Variants in ATF7IP2 observed in about 807,000 individuals in gnomAD.
ATF7IP2 encodes activating transcription factor 7 interacting protein 2.
A neutral mutation model predicts 64.2 loss-of-function variants in ATF7IP2; 42 were observed. The ratio of observed to expected loss-of-function variants is 0.65; its 90% CI spans 0.51 to 0.85. The LOEUF (loss-of-function observed/expected upper bound fraction) is 0.85, where lower values mean the gene tolerates loss of function less well. ATF7IP2 is among the 40% of genes least tolerant of loss of function. ATF7IP2 has a pLI of 0.00. For missense variants in ATF7IP2, 933 were observed against 784.2 expected, an observed-to-expected ratio of 1.19 and a Z score of -2.27; for synonymous variants, 308 against 272.8, an observed-to-expected ratio of 1.13 and a Z score of -1.27.
chr16:10,443,837 A>C (rs2048712432), intron 8 of ATF7IP2, among the ~76,000 whole-genome samples: 1 of 152,172 alleles, frequency 6.6e-6, no homozygotes, highest in African/African-American at 2.4e-5. Flanking sequence ...TAGTGGAGAG[A>C]AGAACTGGGT....
intron 1 of ATF7IP2, among the ~76,000 whole-genome samples, chr16:10,392,990 A>G (rs772034333): frequency 9.2e-5 from 14 of 151,958 alleles, no homozygotes; most frequent in Middle Eastern, 6.8e-3. Flanking sequence ...ATGTCTCCAA[A>G]AGAAAAGAAA....
intron 6 of ATF7IP2, among the ~76,000 whole-genome samples, chr16:10,437,246 C>T (rs548976752): frequency 1.6e-4 from 25 of 152,278 alleles, no homozygotes; most frequent in African/African-American, 5.8e-4. Context: ...GTCTTCAACT[C>T]CTGACCTCGT....
intron 9 of ATF7IP2, 42 bp from the exon 10 acceptor site, chr16:10,472,068 G>C (rs766941125): frequency 1.8e-6 from 2 of 1,082,660 alleles, no homozygotes; most frequent in Non-Finnish European, 2.8e-6. Flanking sequence ...GCCTGATAAT[G>C]CATGTTTAGT....
At position 10,430,646 on chromosome 16, in the gene ATF7IP2, G is replaced by A. The variant is rs773088201; in HGVS notation, c.26G>A (p.Arg9Gln). Residue 9 changes from arginine to glutamine, a missense_variant, in exon 5 of 14, where the codon CGG (arginine) becomes CAG (glutamine). Transcript: ENST00000562102. MASPDRSK[R>Q]KILKAKKTMP... ...ATGGCAAGTCCAGATAGAAGTAAAC[G>A]GAAGATATTAAAAGCCAAAAAGACA... 22 of 1,613,342 alleles carry A rather than the reference G, an allele frequency of 1.4e-5. No homozygotes were observed. Among genetic ancestry groups the A allele is most frequent in the African/African-American group, 2.7e-5 (2 of 74,874 alleles).
chr16:10,425,083 A>T (rs2048058057), intron 3 of ATF7IP2, among the ~76,000 whole-genome samples: 1 of 144,220 alleles, frequency 6.9e-6, no homozygotes, highest in Non-Finnish European at 1.5e-5. Context: ...TTTGAGACAG[A>T]GTTTCACTCC....
chr16:10,440,803 AG>A (rs2048591241), intron 8 of ATF7IP2, among the ~76,000 whole-genome samples: 1 of 152,178 alleles, frequency 6.6e-6, no homozygotes, highest in African/African-American at 2.4e-5. Flanking sequence ...CAAAATGTGC[AG>A]TTGCATTACA....
chr16:10,412,339 G>C (rs953240862), intron 1 of ATF7IP2, among the ~76,000 whole-genome samples: 2 of 151,926 alleles, frequency 1.3e-5, no homozygotes, highest in East Asian at 3.9e-4. Context: ...TCCTAGCCCC[G>C]CCTTTGCTAT....
At chr16:10,475,647 C>G (rs1187647991) in intron 12 of ATF7IP2, among the ~76,000 whole-genome samples, 1 of 142,292 alleles carries the variant, frequency 7.0e-6, no homozygotes, top group Non-Finnish European at 1.5e-5. Flanking sequence ...GAGCCGAGAT[C>G]GCGCCACTGC....
intron 1 of ATF7IP2, among the ~76,000 whole-genome samples, chr16:10,395,136 ATTACT>A (rs2141750239): frequency 6.6e-6 from 1 of 152,218 alleles, no homozygotes; most frequent in Admixed American, 6.5e-5. Context: ...ATGAGGGGAC[ATTACT>A]TCTGACCTTC....
At chr16:10,461,056 A>C (rs527895690) in intron 9 of ATF7IP2, among the ~76,000 whole-genome samples, 1 of 152,306 alleles carries the variant, frequency 6.6e-6, no homozygotes, top group East Asian at 1.9e-4. Flanking sequence ...ACTTCACAAA[A>C]GAGGAGTTCG....
intron 8 of ATF7IP2, among the ~76,000 whole-genome samples, chr16:10,444,769 G>C (rs759966778): frequency 6.6e-6 from 1 of 152,130 alleles, no homozygotes; most frequent in Non-Finnish European, 1.5e-5. Flanking sequence ...TTTATTCCTA[G>C]AGTTTGAGTA....
chr16:10,430,612 A>G lies in ATF7IP2; in HGVS notation c.-9A>G. On this transcript the variant is annotated splice_region_variant and 5_prime_UTR_variant, in exon 5 of 14. Transcript: ENST00000562102. The stretch of plus-strand genomic sequence containing the variant: ...TAAATATGATGTCTTAAATTCCAGG[A>G]TATGAAAGATGGCAAGTCCAGATAG... 4.4e-6 allele frequency: 7 copies of G among 1,585,216 alleles called. No homozygotes were observed. The highest frequency in any genetic ancestry group is 6.0e-6 in the Non-Finnish European group (7 of 1,158,650).
At chr16:10,415,502 C>G (rs1219087673) in intron 2 of ATF7IP2, among the ~76,000 whole-genome samples, 2 of 152,166 alleles carry the variant, frequency 1.3e-5, no homozygotes, top group Admixed American at 6.6e-5. Flanking sequence ...ATCTAAGACC[C>G]CAAACTATGA....
intron 9 of ATF7IP2, among the ~76,000 whole-genome samples, chr16:10,461,346 C>T (rs2142026170): frequency 6.6e-6 from 1 of 152,100 alleles, no homozygotes; most frequent in South Asian, 2.1e-4. Flanking sequence ...CTTGATATAT[C>T]CTAGTTAGAG....
intron 8 of ATF7IP2, among the ~76,000 whole-genome samples, chr16:10,451,377 G>A (rs971776031): frequency 6.6e-6 from 1 of 152,054 alleles, no homozygotes; most frequent in African/African-American, 2.4e-5. Flanking sequence ...GCTAGGTTGG[G>A]GAAGTTCTCC....
chr16:10,475,074 G>A (rs902514733), intron 12 of ATF7IP2, among the ~76,000 whole-genome samples: 1 of 152,082 alleles, frequency 6.6e-6, no homozygotes, highest in Non-Finnish European at 1.5e-5. Flanking sequence ...AAAATTTGTT[G>A]CCAGCAGACC....
rs759026458 is a variant in ATF7IP2 at position 10,481,884 on chromosome 16, C to G, written c.1684C>G (p.Pro562Ala). ...GCCACCTCTCCCAGAACCACCAGCA[C>G]CACTACCTGAATTAGTAGACAAAAC... is the stretch of plus-strand genomic sequence containing the variant. ...HLPPLPEPPA[P>A]LPELVDKTRD... The change falls in exon 14 of 14, where the codon CCA (proline) becomes GCA (alanine). Residue 562 changes from proline to alanine, a missense_variant. Transcript: ENST00000562102. The G allele has an allele frequency of 6.2e-7, 1 of 1,611,522 alleles. No individual in the cohort carries two copies. Among genetic ancestry groups the G allele is most frequent in the Non-Finnish European group, 8.5e-7 (1 of 1,179,196 alleles).
chr16:10,449,429 A>G (rs2048914372), intron 8 of ATF7IP2: 1 of 152,172 alleles, frequency 6.6e-6, no homozygotes, highest in African/African-American at 2.4e-5. Flanking sequence ...CTGTGAATCC[A>G]TCTGGTCCTG....
At chr16:10,433,732 C>T in intron 6 of ATF7IP2, 83 bp downstream of exon 6, 1 of 1,469,956 alleles carries the variant, frequency 6.8e-7, no homozygotes, top group Non-Finnish European at 9.4e-7. Flanking sequence ...CCCACAGTGG[C>T]ATAATACAGA....
Sources: allele counts gnomAD v4.1 joint callset (sites outside exome capture counted in the v4.1 genomes callset), GRCh38; gene constraint gnomAD v4.1.1; transcripts MANE v1.5; gene names NCBI Gene and HGNC (gene_info 2026-07-23, HGNC 2026-07-21).